The following SV2C variants were observed in gnomAD, a reference collection of about 807,000 sequenced individuals.
The protein encoded by SV2C is synaptic vesicle glycoprotein 2C, also known as solute carrier family 22 member B3.
SV2C carries 49 observed loss-of-function variants against 79.7 expected under a neutral mutation model. That is an observed-to-expected ratio of 0.61 (90% confidence interval 0.49 to 0.78). The LOEUF is 0.78. Ranked by LOEUF, SV2C falls within the 30% of genes least tolerant of loss-of-function variation. The pLI, the probability that SV2C is intolerant of heterozygous loss-of-function variation, is 0.00. For synonymous variants in SV2C, 334 were observed against 333.2 expected, an observed-to-expected ratio of 1.00 and a Z score of -0.03; for missense variants, 833 against 912.9, an observed-to-expected ratio of 0.91 and a Z score of 1.13.
At chr5:75,869,557 G>A in the SV2C span, among the ~76,000 whole-genome samples, 1 of 152,160 alleles carries the variant, frequency 6.6e-6, no homozygotes, top group South Asian at 2.1e-4. Context: ...GGCACCTCTG[G>A]ACCTGCCCTG....
the SV2C span, among the ~76,000 whole-genome samples, chr5:75,999,335 AAG>A: frequency 6.3e-5 from 9 of 141,830 alleles, no homozygotes; most frequent in African/African-American, 7.8e-5. Context: ...TATATATAGG[AAG>A]AGAGAGAGAG....
chr5:76,105,056 G>A (rs541817736), intron 1 of SV2C, among the ~76,000 whole-genome samples: 1 of 152,176 alleles, frequency 6.6e-6, no homozygotes, highest in Non-Finnish European at 1.5e-5. Flanking sequence ...GCAGATGAAA[G>A]TAGTTAAGAT....
intron 4 of SV2C, among the ~76,000 whole-genome samples, chr5:76,264,239 T>C (rs1387202285): frequency 6.6e-6 from 1 of 151,924 alleles, no homozygotes; most frequent in Non-Finnish European, 1.5e-5. Flanking sequence ...TTGATACTTG[T>C]GTATGCTTCA....
chr5:76,103,667 T>C (rs1747812355), intron 1 of SV2C, among the ~76,000 whole-genome samples: 1 of 152,208 alleles, frequency 6.6e-6, no homozygotes, highest in African/African-American at 2.4e-5. Context: ...AAATATTTAT[T>C]GAATGCCTGG....
intron 4 of SV2C, among the ~76,000 whole-genome samples, chr5:76,255,141 C>T (rs76688574): frequency 0.038 from 5,861 of 152,240 alleles, 373 homozygotes; most frequent in African/African-American, 0.13. Flanking sequence ...CATTAAAAAG[C>T]TCTGTGGATC....
chr5:76,016,254 T>TAAAAAAAAAAAAAAAAAAAAAAA, the SV2C span, among the ~76,000 whole-genome samples: 165 of 90,306 alleles, frequency 1.8e-3, 12 homozygotes, highest in East Asian at 8.5e-3. Context: ...TTTAATTTTC[T>TAAAAAAAAAAAAAAAAAAAAAAA]AAAAAAAAAA....
intron 12 of SV2C, among the ~76,000 whole-genome samples, chr5:76,302,189 AC>A (rs1748030717): frequency 6.6e-6 from 1 of 152,156 alleles, no homozygotes; most frequent in Non-Finnish European, 1.5e-5. Flanking sequence ...TAAGTGGCTA[AC>A]CAGTCCTTAG....
At position 76,184,729 on chromosome 5, in the gene SV2C, G is replaced by T. The variant is rs547600755; in HGVS notation, c.581-10190G>T. Reference sequence around the variant, plus strand: ...CCACTCCCATGATTCAATTATCTCTGCCTGGTCCCACCCTTGACACGTGGG... The same window carrying T: ...CCACTCCCATGATTCAATTATCTCTTCCTGGTCCCACCCTTGACACGTGGG... On this transcript the variant is annotated intron_variant, in intron 2 of 12. Transcript: ENST00000502798. Among the ~76,000 whole-genome samples, 280 of 152,188 alleles carry T rather than the reference G, an allele frequency of 1.8e-3. 1 individual carries two copies. The highest frequency in any genetic ancestry group is 0.012 in the Admixed American group (179 of 15,290).
rs74543173 is a variant in SV2C, at chr5:76,298,956, C to T, written c.1636+29C>T. 1.1e-3 allele frequency: 1,717 copies of T among 1,607,560 alleles called. 25 individuals are homozygous for T. In the African/African-American group the frequency reaches 0.02, roughly 19 times the overall value. On this transcript the variant is annotated intron_variant, in intron 10 of 12. Coordinates refer to ENST00000502798, the MANE Select transcript of SV2C (RefSeq NM_014979.4). ...GGTGTGCTACTTAGTACTGCCTCTA[C>T]CTGAGGCCTCTCCAAAGGGCCCACT... is the stretch of plus-strand genomic sequence containing the variant.
At chr5:76,073,287 C>T in the SV2C span, among the ~76,000 whole-genome samples, 2 of 151,760 alleles carry the variant, frequency 1.3e-5, no homozygotes, top group African/African-American at 4.8e-5. Context: ...GATGAAGATC[C>T]AGTTTTATTC....
intron 1 of SV2C, among the ~76,000 whole-genome samples, chr5:76,101,884 GA>G (rs1747752343): frequency 6.6e-6 from 1 of 152,160 alleles, no homozygotes; most frequent in African/African-American, 2.4e-5. Flanking sequence ...AGACAGAGTA[GA>G]AGGGGAAGAG....
chr5:75,938,558 C>G, the SV2C span, among the ~76,000 whole-genome samples: 2 of 152,008 alleles, frequency 1.3e-5, no homozygotes, highest in Admixed American at 1.3e-4. Context: ...AGATACATAC[C>G]ATATGATTTC....
chr5:76,064,005 A>C, the SV2C span, among the ~76,000 whole-genome samples: 1 of 152,186 alleles, frequency 6.6e-6, no homozygotes, highest in African/African-American at 2.4e-5. Context: ...TAAAAAAAGA[A>C]TAAAATACAT....
chr5:76,182,458 T>C (rs1362570589), intron 2 of SV2C, among the ~76,000 whole-genome samples: 1 of 152,238 alleles, frequency 6.6e-6, no homozygotes, highest in Admixed American at 6.5e-5. Context: ...TTTCTTGCCT[T>C]AGACCAGGTG....
the SV2C span, among the ~76,000 whole-genome samples, chr5:75,908,735 G>T: frequency 1.7e-3 from 260 of 152,300 alleles, no homozygotes; most frequent in Middle Eastern, 0.01. Context: ...AATATCATTA[G>T]TTCCTGTGTT....
At chr5:76,208,428 G>A (rs1177060732) in intron 3 of SV2C, among the ~76,000 whole-genome samples, 5 of 152,208 alleles carry the variant, frequency 3.3e-5, no homozygotes, top group Non-Finnish European at 5.9e-5. Flanking sequence ...CGTAACTATG[G>A]CATCACTTTA....
intron 2 of SV2C, among the ~76,000 whole-genome samples, chr5:76,149,272 A>C (rs1382359864): frequency 2.0e-5 from 3 of 152,194 alleles, no homozygotes; most frequent in Admixed American, 6.5e-5. Flanking sequence ...TGAGCATTCC[A>C]AGTGATTCCT....
At chr5:75,882,931 A>G in the SV2C span, among the ~76,000 whole-genome samples, 1 of 151,850 alleles carries the variant, frequency 6.6e-6, no homozygotes, top group Non-Finnish European at 1.5e-5. Flanking sequence ...AAATTTTCGC[A>G]ACCTACTCAT....
At chr5:76,030,266 G>GTTTTT in the SV2C span, among the ~76,000 whole-genome samples, 185 of 31,932 alleles carry the variant, frequency 5.8e-3, 2 homozygotes, top group Non-Finnish European at 8.0e-3. Flanking sequence ...TCAGAGGCTT[G>GTTTTT]TTTTTTTTTT....
Sources: gnomAD v4.1 joint callset for allele counts (sites outside exome capture counted in the v4.1 genomes callset) on GRCh38, gnomAD v4.1.1 for gene constraint, MANE v1.5 for transcripts, NCBI Gene and HGNC (gene_info 2026-07-23, HGNC 2026-07-21) for gene names.